Variants in MBD2 observed in about 807,000 individuals in gnomAD.
The protein encoded by MBD2 is methyl-CpG-binding domain protein 2.
Under a neutral mutation model 39.3 loss-of-function variants are expected in MBD2, and 9 were observed. The ratio of observed to expected loss-of-function variants is 0.23; its 90% CI spans 0.14 to 0.40. MBD2 has a LOEUF of 0.40. Ranked by LOEUF, MBD2 falls within the 10% of genes least tolerant of loss-of-function variation. The pLI, the probability that MBD2 is intolerant of heterozygous loss-of-function variation, is 1.00. For synonymous variants in MBD2, 233 were observed against 211.1 expected (o/e 1.10, Z -0.90); for missense variants, 458 against 532.6 (o/e 0.86, Z 1.38).
At chr18:54,185,819 A>G (rs1369133713) in intron 3 of MBD2, among the ~76,000 whole-genome samples, 1 of 152,156 alleles carries the variant, frequency 6.6e-6, no homozygotes, top group Admixed American at 6.5e-5. Context: ...CTACTACCCT[A>G]TTATAACTAG....
chr18:54,223,756 C>G (rs909509287), intron 1 of MBD2, among the ~76,000 whole-genome samples: 3 of 152,142 alleles, frequency 2.0e-5, no homozygotes, highest in Non-Finnish European at 4.4e-5. Flanking sequence ...CCATCCCTGC[C>G]AGGCTAACCC....
At position 54,183,412 on chromosome 18, in the gene MBD2, A is replaced by T. The variant is rs551840474; in HGVS notation, c.840+5462T>A. Among the ~76,000 whole-genome samples, 3 of 152,346 alleles carry T rather than the reference A, an allele frequency of 2.0e-5. No individual in the cohort carries two copies. In the East Asian group the frequency reaches 5.8e-4, roughly 29 times the overall value. On this transcript the variant is annotated intron_variant, in intron 3 of 6. Transcript: ENST00000256429. ...ATTCCCCGGGAAACCTCAACATTTT[A>T]AAAGACAGATAGAGAAAGAACCTAA...
In MBD2 at chr18:54,160,662, A is replaced by G. The variant is rs890085683; in HGVS notation, c.1110-759T>C. 4.6e-5 allele frequency among the ~76,000 whole-genome samples: 7 copies of G among 151,836 alleles called. No homozygotes were observed. The East Asian group carries it at 5.8e-4, about 13-fold the overall frequency. Reference sequence around the variant, plus strand: ...TACCTTTAAAAAGTAAAAAAAAAAAAAAAAGAAAAGAAAGTAGATCCCCCA... The same window carrying G: ...TACCTTTAAAAAGTAAAAAAAAAAAGAAAAGAAAAGAAAGTAGATCCCCCA... On this transcript the variant is annotated intron_variant, in intron 5 of 6. Coordinates refer to ENST00000256429, the MANE Select transcript of MBD2 (RefSeq NM_003927.5).
chr18:54,168,572 CAT>C (rs56174434), intron 3 of MBD2, among the ~76,000 whole-genome samples: 32,497 of 114,208 alleles, frequency 0.28, 5,648 homozygotes, highest in East Asian at 0.48. Context: ...AATGGAGATA[CAT>C]ATATATATAT....
At chr18:54,210,910 C>T (rs1291082679) in intron 1 of MBD2, among the ~76,000 whole-genome samples, 3 of 129,876 alleles carry the variant, frequency 2.3e-5, no homozygotes, top group Admixed American at 8.9e-5. Context: ...CTCGCTCTGT[C>T]GCCCAGGCTG....
intron 1 of MBD2, among the ~76,000 whole-genome samples, chr18:54,214,492 C>A (rs1263426185): frequency 6.6e-6 from 1 of 152,102 alleles, no homozygotes; most frequent in African/African-American, 2.4e-5. Flanking sequence ...TGCCAGCATA[C>A]CTGACCTATG....
At chr18:54,166,395 G>A (rs538454867) in intron 3 of MBD2, among the ~76,000 whole-genome samples, 3 of 152,194 alleles carry the variant, frequency 2.0e-5, no homozygotes, top group African/African-American at 7.2e-5. Context: ...CTATTCACTT[G>A]TTACAATACT....
intron 2 of MBD2, among the ~76,000 whole-genome samples, chr18:54,193,516 G>A (rs1468137398): frequency 6.6e-6 from 1 of 151,914 alleles, no homozygotes; most frequent in Non-Finnish European, 1.5e-5. Flanking sequence ...CTAGTTGCAG[G>A]GAGGAACATA....
chr18:54,177,640 C>T (rs1294049484), intron 3 of MBD2, among the ~76,000 whole-genome samples: 1 of 152,008 alleles, frequency 6.6e-6, no homozygotes, highest in African/African-American at 2.4e-5. Context: ...GCCACCACGC[C>T]CGGCTAATTT....
intron 5 of MBD2, among the ~76,000 whole-genome samples, chr18:54,161,684 G>T (rs1568077847): frequency 6.6e-6 from 1 of 152,216 alleles, no homozygotes; most frequent in Non-Finnish European, 1.5e-5. Context: ...ACATTTGTGA[G>T]AGCTGAAATT....
At chr18:54,209,093 G>C (rs1599105789) in intron 1 of MBD2, among the ~76,000 whole-genome samples, 1 of 152,040 alleles carries the variant, frequency 6.6e-6, no homozygotes, top group Non-Finnish European at 1.5e-5. Context: ...TCAGGAGTTT[G>C]AGACCAGCCT....
intron 6 of MBD2, among the ~76,000 whole-genome samples, chr18:54,155,959 T>A (rs1023874715): frequency 1.1e-4 from 16 of 152,222 alleles, no homozygotes; most frequent in African/African-American, 3.4e-4. Context: ...TTGCGGCCTG[T>A]TATTTAACTA....
intron 1 of MBD2, among the ~76,000 whole-genome samples, chr18:54,212,817 C>A (rs1454720351): frequency 1.3e-5 from 2 of 151,630 alleles, no homozygotes; most frequent in African/African-American, 4.9e-5. Flanking sequence ...ATCACTTAAG[C>A]CATGAGTTCA....
chr18:54,220,778 A>C (rs2086604773), intron 1 of MBD2, among the ~76,000 whole-genome samples: 1 of 152,246 alleles, frequency 6.6e-6, no homozygotes, highest in African/African-American at 2.4e-5. Context: ...CTTTACAATA[A>C]GTGACTGCCA....
At position 54,224,421 on chromosome 18, in the gene MBD2, T is replaced by C; in HGVS notation, c.139A>G (p.Ser47Gly). The part of the protein sequence containing the change: ...QGSALAPSPV[S>G]GVRREGARGG... ...CGAGCGCCTTCCCTGCGCACGCCGCTCACCGGGGACGGGGCGAGCGCGCTG... is the reference window on the plus strand; with the variant it reads ...CGAGCGCCTTCCCTGCGCACGCCGCCCACCGGGGACGGGGCGAGCGCGCTG... The change falls in exon 1 of 7, where the codon AGC becomes GGC. Residue 47 changes from serine (S) to glycine (G), a missense_variant. Ser to Gly is a moderately conservative substitution (Grantham distance 56). Around this residue, in one of 2 missense-constraint regions of MBD2, gnomAD observed 269 missense variants for 236.0 expected, o/e 1.14. Transcript: ENST00000256429. 1 of 1,241,650 alleles carries C rather than the reference T, an allele frequency of 8.1e-7. No homozygotes were observed. The allele number at this position is 1,241,650 out of a possible 1,614,324, so 76.9% of individuals were successfully genotyped here.
intron 1 of MBD2, among the ~76,000 whole-genome samples, chr18:54,216,021 G>C (rs1407619229): frequency 1.3e-5 from 2 of 151,598 alleles, no homozygotes; most frequent in Non-Finnish European, 2.9e-5. Context: ...TGGTCAGGCT[G>C]GTCTTGAACT....
At chr18:54,166,742 T>G (rs1002522081) in intron 3 of MBD2, among the ~76,000 whole-genome samples, 3 of 152,242 alleles carry the variant, frequency 2.0e-5, no homozygotes, top group Non-Finnish European at 4.4e-5. Context: ...ACTCTTTCCC[T>G]GCTGCACAGG....
At chr18:54,181,055 G>A (rs903399760) in intron 3 of MBD2, among the ~76,000 whole-genome samples, 9 of 151,822 alleles carry the variant, frequency 5.9e-5, no homozygotes, top group Admixed American at 1.3e-4. Flanking sequence ...CACCATGCTC[G>A]GCTAATTTTT....
chr18:54,222,060 A>G (rs544074445), intron 1 of MBD2, among the ~76,000 whole-genome samples: 26 of 152,366 alleles, frequency 1.7e-4, no homozygotes, highest in Middle Eastern at 6.8e-3. Context: ...AAGGAGTTCA[A>G]TCACAGATAC....
Sources: gnomAD v4.1 joint callset for allele counts (sites outside exome capture counted in the v4.1 genomes callset) on GRCh38, gnomAD v4.1.1 for gene constraint, gnomAD v4.1.1 regional missense constraint, MANE v1.5 for transcripts, NCBI Gene and HGNC (gene_info 2026-07-23, HGNC 2026-07-21) for gene names.